ZNF525: variants seen among roughly 807,000 people sequenced by gnomAD.
ZNF525 encodes the protein zinc finger protein 525.
ZNF525 carries 33 observed loss-of-function variants against 37.6 expected under a neutral mutation model. The ratio of observed to expected loss-of-function variants is 0.88; its 90% CI spans 0.67 to 1.17. The LOEUF is 1.17. Ranked by LOEUF, ZNF525 falls within the 50% of genes most tolerant of loss-of-function variation. The probability of loss-of-function intolerance (pLI) is 0.00; values close to 1 mark genes in which losing one functional copy is unlikely to be tolerated. For missense variants in ZNF525, 449 were observed against 543.1 expected (o/e 0.83, Z 1.72); for synonymous variants, 170 against 182.3 (o/e 0.93, Z 0.54).
At position 53,372,504 on chromosome 19, in the gene ZNF525, G is replaced by A. The variant is rs141057340; in HGVS notation, c.15+208G>A. On this transcript the variant is annotated intron_variant, in intron 2 of 3. Transcript: ENST00000474037. The stretch of plus-strand genomic sequence containing the variant: ...TTGGGAAGAGGCTGCACTGGGCATG[G>A]TCTTGGGAAGGGCTCACAACCAGAC... 61 of 815,122 alleles carry A rather than the reference G, an allele frequency of 7.5e-5. No homozygotes were observed. In the African/African-American group the frequency reaches 9.1e-4, roughly 12 times the overall value. The allele number at this position is 815,122 out of a possible 1,614,324, so 50.5% of individuals were successfully genotyped here.
intron 1 of ZNF525, among the ~76,000 whole-genome samples, chr19:53,367,785 G>A (rs1357753774): frequency 6.6e-6 from 1 of 152,190 alleles, no homozygotes; most frequent in African/African-American, 2.4e-5. Context: ...CCTAGGCTAG[G>A]AGGTAGTCTA....
chr19:53,383,922 CCTTTACTTCACATTCTCACCT>C lies in ZNF525; in HGVS notation c.*1905_*1925del, dbSNP rs1422855788. The C allele has an allele frequency of 2.9e-6, 2 of 679,054 alleles. No individual in the cohort carries two copies. Among genetic ancestry groups the C allele is most frequent in the Non-Finnish European group, 5.3e-6 (2 of 378,502 alleles). 42.1% of individuals were successfully genotyped at this position (679,054 alleles called of 1,614,324 possible). ...CACAAGTGTGATGATCGTGGCAAAG[CCTTTACTTCACATTCTCACCT>C]CATTAGACATCAGAGAATCCATACT... On this transcript the variant is annotated 3_prime_UTR_variant, in exon 4 of 4. Transcript: ENST00000474037.
chr19:53,368,277 G>A (rs1457509319), intron 1 of ZNF525, among the ~76,000 whole-genome samples: 1 of 152,136 alleles, frequency 6.6e-6, no homozygotes, highest in Admixed American at 6.5e-5. Flanking sequence ...AGAGAAACGG[G>A]AGAATGAGTT....
rs2085575344 is a variant in ZNF525 at position 53,382,617 on chromosome 19, A to C, written c.*598A>C. ...CATAGGCAGTCAGCGCTTATTTACC[A>C]TCAAGCAATCCATGGCAGAGGGAAA... is the stretch of plus-strand genomic sequence containing the variant. On this transcript the variant is annotated 3_prime_UTR_variant, in exon 4 of 4. Transcript: ENST00000474037. 1.4e-6 allele frequency: 1 copy of C among 689,968 alleles called. No homozygotes were observed. The highest frequency in any genetic ancestry group is 2.7e-6 in the Non-Finnish European group (1 of 371,646). The allele number at this position is 689,968 out of a possible 1,614,324, so 42.7% of individuals were successfully genotyped here.
intron 3 of ZNF525, chr19:53,376,504 A>T (rs1057147197): frequency 1.7e-6 from 1 of 584,576 alleles, no homozygotes; most frequent in Non-Finnish European, 3.0e-6. Flanking sequence ...TTTGTTCTTC[A>T]TTCTCCATTT....
chr19:53,383,067 G>C lies in ZNF525; in HGVS notation c.*1048G>C, dbSNP rs1400225413. On this transcript the variant is annotated 3_prime_UTR_variant, in exon 4 of 4. Coordinates refer to ENST00000474037, the MANE Select transcript of ZNF525 (RefSeq NM_001348156.2). ...AGACTTCATACTGGAGAGAACGCTT[G>C]CAAGTGTAATAAATGTGGCGAGGTT... 7.0e-7 allele frequency: 1 copy of C among 1,418,822 alleles called. No individual in the cohort carries two copies. Among genetic ancestry groups the C allele is most frequent in the Non-Finnish European group, 9.8e-7 (1 of 1,015,544 alleles). 87.9% of individuals were successfully genotyped at this position (1,418,822 alleles called of 1,614,324 possible).
chr19:53,382,883 A>C lies in ZNF525; in HGVS notation c.*864A>C. On this transcript the variant is annotated 3_prime_UTR_variant, in exon 4 of 4. Transcript: ENST00000474037. ...CCTTGAAAGTCATAGGAGAATTCAT[A>C]CTAGAGAGAAACCTTACAAGTGTAA... 7.1e-7 allele frequency: 1 copy of C among 1,403,412 alleles called. No individual in the cohort carries two copies. The highest frequency in any genetic ancestry group is 1.0e-6 in the Non-Finnish European group (1 of 997,238). The allele number at this position is 1,403,412 out of a possible 1,614,324, so 86.9% of individuals were successfully genotyped here.
intron 1 of ZNF525, among the ~76,000 whole-genome samples, chr19:53,370,691 A>AT (rs1215255901): frequency 2.6e-5 from 4 of 152,014 alleles, no homozygotes; most frequent in South Asian, 2.1e-4. Context: ...AATGAAAAAA[A>AT]AATAATAAAA....
chr19:53,371,661 G>T (rs1176897474), intron 1 of ZNF525, among the ~76,000 whole-genome samples: 3 of 152,066 alleles, frequency 2.0e-5, no homozygotes, highest in Admixed American at 6.6e-5. Flanking sequence ...GAGCCACTGT[G>T]ACTGGCTCAA....
In ZNF525 at chr19:53,375,846, C is replaced by T. The variant is rs756888944; in HGVS notation, c.92C>T (p.Thr31Ile). 5 of 1,613,828 alleles carry T rather than the reference C, an allele frequency of 3.1e-6. No individual in the cohort carries two copies. In the East Asian group the frequency reaches 1.1e-4, roughly 36 times the overall value. Residue 31 changes from threonine to isoleucine, a missense_variant, in exon 3 of 4, where the codon ACT becomes ATT. By Grantham distance (89) the Thr-to-Ile change is moderately conservative (BLOSUM62 -1). This residue lies in a region of ZNF525 where 271 missense variants were observed against 381.6 expected (regional missense o/e 0.71). Coordinates refer to ENST00000474037, the MANE Select transcript of ZNF525 (RefSeq NM_001348156.2). The stretch of plus-strand genomic sequence containing the variant: ...AAATGCCTGGACCCTGCTCAGAGGA[C>T]TCTATACAGGGACGTGATGCTGGAG... ...EWKCLDPAQR[T>I]LYRDVMLENY...
intron 1 of ZNF525, among the ~76,000 whole-genome samples, chr19:53,366,545 A>G (rs955104226): frequency 3.3e-5 from 5 of 150,468 alleles, no homozygotes; most frequent in Non-Finnish European, 5.9e-5. Flanking sequence ...AAAGTGAAAA[A>G]AAAAAAAAAA....
chr19:53,380,854 A>G lies in ZNF525; in HGVS notation c.275A>G (p.Lys92Arg), dbSNP rs1489628205. ...IGDFSFQEIE[K>R]DIHNFEFQWQ... ...GATTTTTCCTTCCAGGAAATTGAGA[A>G]AGATATTCATAACTTTGAGTTTCAG... Residue 92 changes from lysine to arginine, a missense_variant, in exon 4 of 4, where the codon AAA becomes AGA. By Grantham distance (26) the Lys-to-Arg change is conservative. Coordinates refer to ENST00000474037, the MANE Select transcript of ZNF525 (RefSeq NM_001348156.2). The G allele has an allele frequency of 6.9e-7, 1 of 1,457,300 alleles. No individual in the cohort carries two copies. Among genetic ancestry groups the G allele is most frequent in the African/African-American group, 1.4e-5 (1 of 71,792 alleles). The allele number at this position is 1,457,300 out of a possible 1,614,324, so 90.3% of individuals were successfully genotyped here. A position where few individuals can be genotyped will look rare whatever the true frequency, so the allele number is the denominator to read the frequency against.
intron 1 of ZNF525, among the ~76,000 whole-genome samples, chr19:53,370,684 G>GAA (rs11417342): frequency 1.3e-4 from 20 of 151,076 alleles, no homozygotes; most frequent in East Asian, 9.8e-4. Context: ...CCCCAAAAAT[G>GAA]AAAAAAAAAT....
chr19:53,386,221 C>G lies in ZNF525; in HGVS notation c.*4202C>G. The G allele has an allele frequency of 1.6e-6, 1 of 641,350 alleles. No individual in the cohort carries two copies. Among genetic ancestry groups the G allele is most frequent in the Non-Finnish European group, 3.0e-6 (1 of 338,960 alleles). 39.7% of individuals were successfully genotyped at this position (641,350 alleles called of 1,614,324 possible). ...TTGCCATCGTGGTGTGTGCTTGACT[C>G]TGCTTCTTGCCACATCTTCTCAGAA... On this transcript the variant is annotated 3_prime_UTR_variant, in exon 4 of 4. Transcript: ENST00000474037.
At chr19:53,378,380 G>A (rs527943552) in intron 3 of ZNF525, among the ~76,000 whole-genome samples, 17 of 152,190 alleles carry the variant, frequency 1.1e-4, no homozygotes, top group African/African-American at 3.6e-4. Flanking sequence ...TCTTGAACCC[G>A]GGAGGTGGAG....
intron 2 of ZNF525, among the ~76,000 whole-genome samples, chr19:53,374,671 TAC>T (rs1408098167): frequency 6.6e-6 from 1 of 152,200 alleles, no homozygotes; most frequent in Non-Finnish European, 1.5e-5. Flanking sequence ...TATATATACA[TAC>T]ACACACACAT....
chr19:53,383,379 C>A lies in ZNF525; in HGVS notation c.*1360C>A. The A allele has an allele frequency of 8.6e-7, 1 of 1,163,982 alleles. No individual in the cohort carries two copies. Among genetic ancestry groups the A allele is most frequent in the Non-Finnish European group, 1.2e-6 (1 of 810,214 alleles). 72.1% of individuals were successfully genotyped at this position (1,163,982 alleles called of 1,614,324 possible). A position where few individuals can be genotyped will look rare whatever the true frequency, so the allele number is the denominator to read the frequency against. Reference sequence around the variant, plus strand: ...ACACGTTGCACGTCATCATAGAATTCATACTGGAGAGAAACCTTAGAAATG... The same window carrying A: ...ACACGTTGCACGTCATCATAGAATTAATACTGGAGAGAAACCTTAGAAATG... On this transcript the variant is annotated 3_prime_UTR_variant, in exon 4 of 4. Coordinates refer to ENST00000474037, the MANE Select transcript of ZNF525 (RefSeq NM_001348156.2).
rs1411528013 is a variant in ZNF525 at position 53,381,909 on chromosome 19, T to C, written c.1330T>C (p.Cys444Arg). ...AGAGAAACTGTACAAATGTAATGAG[T>C]GTGGCAAGACCTTCAGTCAGGAGTT... ...NGEKLYKCNE[C>R]GKTFSQELSL... The change falls in exon 4 of 4, where the codon TGT becomes CGT. Residue 444 changes from cysteine to arginine, a missense_variant. Physicochemically the swap from Cys to Arg is radical, Grantham distance 180 (BLOSUM62 -3). Around this residue, in one of 2 missense-constraint regions of ZNF525, gnomAD observed 178 missense variants for 161.5 expected, o/e 1.10. Coordinates refer to ENST00000474037, the MANE Select transcript of ZNF525 (RefSeq NM_001348156.2). 1 of 973,936 alleles carries C rather than the reference T, an allele frequency of 1.0e-6. No individual in the cohort carries two copies. Among genetic ancestry groups the C allele is most frequent in the Non-Finnish European group, 1.7e-6 (1 of 594,884 alleles). The allele number at this position is 973,936 out of a possible 1,614,324, so 60.3% of individuals were successfully genotyped here. A position where few individuals can be genotyped will look rare whatever the true frequency, so the allele number is the denominator to read the frequency against.
At chr19:53,377,234 A>G (rs1378732855) in intron 3 of ZNF525, among the ~76,000 whole-genome samples, 2 of 152,150 alleles carry the variant, frequency 1.3e-5, no homozygotes, top group African/African-American at 4.8e-5. Context: ...CTAGAGTGCA[A>G]TGGCACAATC....
Sources: gnomAD v4.1 joint callset for allele counts (sites outside exome capture counted in the v4.1 genomes callset) on GRCh38, gnomAD v4.1.1 for gene constraint, gnomAD v4.1.1 regional missense constraint, MANE v1.5 for transcripts, NCBI Gene and HGNC (gene_info 2026-07-23, HGNC 2026-07-21) for gene names.